KCNH5: variants seen among roughly 807,000 people sequenced by gnomAD.
The protein encoded by KCNH5 is voltage-gated delayed rectifier potassium channel KCNH5.
Under a neutral mutation model 96.1 loss-of-function variants are expected in KCNH5, and 46 were observed. That is an observed-to-expected ratio of 0.48 (90% CI 0.38 to 0.61). The LOEUF (loss-of-function observed/expected upper bound fraction) is 0.61. KCNH5 is among the 20% of genes least tolerant of loss of function. The probability of loss-of-function intolerance (pLI) is 0.00; values close to 1 mark genes in which losing one functional copy is unlikely to be tolerated. For missense variants in KCNH5, 907 were observed against 1,225.8 expected (o/e 0.74, Z 3.88); for synonymous variants, 439 against 449.8 (o/e 0.98, Z 0.30).
At chr14:62,969,537 G>C (rs1890363281) in intron 6 of KCNH5, among the ~76,000 whole-genome samples, 1 of 152,038 alleles carries the variant, frequency 6.6e-6, no homozygotes, top group African/African-American at 2.4e-5. Flanking sequence ...GCTGAATAAT[G>C]AGAGCATGTG....
intron 7 of KCNH5, among the ~76,000 whole-genome samples, chr14:62,944,766 T>A (rs1889854766): frequency 6.6e-6 from 1 of 152,142 alleles, no homozygotes; most frequent in African/African-American, 2.4e-5. Flanking sequence ...AAATATCCCA[T>A]GAAATTACCA....
chr14:62,739,725 T>A (rs1885232285), intron 10 of KCNH5, among the ~76,000 whole-genome samples: 1 of 152,140 alleles, frequency 6.6e-6, no homozygotes, highest in African/African-American at 2.4e-5. Flanking sequence ...AAACATTACA[T>A]GCGGGCAAAA....
At chr14:63,001,566 G>GCT in intron 3 of KCNH5, 107 bp from the exon 4 acceptor site, 3 of 1,008,284 alleles carry the variant, frequency 3.0e-6, no homozygotes, top group Non-Finnish European at 4.3e-6. Flanking sequence ...AGCTGTGCCA[G>GCT]GAATCAACAC....
intron 8 of KCNH5, among the ~76,000 whole-genome samples, chr14:62,818,940 A>C (rs1016668307): frequency 2.0e-5 from 3 of 152,192 alleles, no homozygotes; most frequent in Non-Finnish European, 2.9e-5. Context: ...AAATCCATAC[A>C]AAAGAATATT....
chr14:62,764,832 A>G (rs1595612240), intron 10 of KCNH5, among the ~76,000 whole-genome samples: 1 of 152,222 alleles, frequency 6.6e-6, no homozygotes, highest in East Asian at 1.9e-4. Context: ...AAAGACCTCA[A>G]CAGCAAGTAT....
chr14:63,018,244 A>G (rs1347258436), intron 1 of KCNH5, among the ~76,000 whole-genome samples: 1 of 151,812 alleles, frequency 6.6e-6, no homozygotes, highest in Non-Finnish European at 1.5e-5. Flanking sequence ...TGGGAAGTTC[A>G]TGGTGTGAAA....
At chr14:62,946,804 C>T (rs766246482) in intron 7 of KCNH5, among the ~76,000 whole-genome samples, 17 of 152,038 alleles carry the variant, frequency 1.1e-4, no homozygotes, top group Admixed American at 2.0e-4. Flanking sequence ...TTATGCTGAG[C>T]GGAGAAAGTC....
intron 6 of KCNH5, among the ~76,000 whole-genome samples, chr14:62,977,022 T>TA (rs141924820): frequency 0.064 from 9,661 of 152,098 alleles, 507 homozygotes; most frequent in African/African-American, 0.15. Context: ...AAAAGAAAAG[T>TA]AATTACAGCA....
At chr14:62,855,003 A>G (rs1887901649) in intron 7 of KCNH5, among the ~76,000 whole-genome samples, 1 of 151,414 alleles carries the variant, frequency 6.6e-6, no homozygotes, top group African/African-American at 2.4e-5. Context: ...TGTGACCATG[A>G]TTTTGTGCCA....
intron 10 of KCNH5, among the ~76,000 whole-genome samples, chr14:62,723,001 A>C (rs1228969345): frequency 6.6e-6 from 1 of 152,130 alleles, no homozygotes; most frequent in Admixed American, 6.5e-5. Context: ...ACACTACCCT[A>C]CTGATCTCAT....
intron 10 of KCNH5, among the ~76,000 whole-genome samples, chr14:62,714,967 T>C (rs1884652674): frequency 1.3e-5 from 2 of 152,174 alleles, no homozygotes; most frequent in South Asian, 2.1e-4. Context: ...CAATAACCTG[T>C]ACTGTTTCTA....
intron 7 of KCNH5, among the ~76,000 whole-genome samples, chr14:62,853,194 A>G (rs1217137741): frequency 2.0e-5 from 3 of 151,926 alleles, no homozygotes; most frequent in Non-Finnish European, 4.4e-5. Flanking sequence ...TATAGCTTCA[A>G]TTCAATCACT....
Position 63,003,624 on chromosome 14 carries a change from A to ATTT in KCNH5, c.305-2168_305-2166dup, listed in dbSNP as rs775227561. Among the ~76,000 whole-genome samples, 836 of 91,326 alleles carry ATTT rather than the reference A, an allele frequency of 9.2e-3. 9 individuals are homozygous for ATTT. The highest frequency in any genetic ancestry group is 0.014 in the Non-Finnish European group (698 of 48,862). The allele number at this position is 91,326 out of a possible 152,430, so 59.9% of individuals were successfully genotyped here. On this transcript the variant is annotated intron_variant, in intron 3 of 10. Coordinates refer to ENST00000322893, the MANE Select transcript of KCNH5 (RefSeq NM_139318.5). ...TATTTATATTTATATATATATATAT[A>ATTT]TTTTTTTTTTTTTGAGACGGAGTCT...
intron 10 of KCNH5, among the ~76,000 whole-genome samples, chr14:62,777,315 A>G (rs568012017): frequency 1.3e-5 from 2 of 152,312 alleles, no homozygotes; most frequent in African/African-American, 4.8e-5. Flanking sequence ...CCTGACTCCT[A>G]GGTTATTAGG....
intron 7 of KCNH5, among the ~76,000 whole-genome samples, chr14:62,930,811 G>A (rs1029221048): frequency 2.0e-5 from 3 of 152,060 alleles, no homozygotes; most frequent in Non-Finnish European, 4.4e-5. Flanking sequence ...TCCACTTCTA[G>A]TCCAATGAGT....
At chr14:62,925,295 T>C (rs1012714396) in intron 7 of KCNH5, among the ~76,000 whole-genome samples, 1 of 152,004 alleles carries the variant, frequency 6.6e-6, no homozygotes, top group Non-Finnish European at 1.5e-5. Context: ...CACACATTCA[T>C]TTTAAAATGA....
At chr14:62,992,250 T>C (rs1211008716) in intron 4 of KCNH5, among the ~76,000 whole-genome samples, 1 of 152,080 alleles carries the variant, frequency 6.6e-6, no homozygotes, top group Non-Finnish European at 1.5e-5. Context: ...TTAGATTGAT[T>C]CTATCTTTGC....
rs80292797 is a variant in KCNH5, at chr14:62,885,016, C to T, written c.1370-35164G>A. Among the ~76,000 whole-genome samples the T allele has an allele frequency of 2.7e-3, 404 of 152,114 alleles. 3 individuals carry two copies. The highest frequency in any genetic ancestry group is 9.5e-3 in the African/African-American group (395 of 41,498). On this transcript the variant is annotated intron_variant, in intron 7 of 10. Transcript: ENST00000322893. Reference sequence around the variant, plus strand: ...CAAAAAACAACAACGATCTCAAATCCCAGTACTCTATAAAAGAAGTATTTC... The same window carrying T: ...CAAAAAACAACAACGATCTCAAATCTCAGTACTCTATAAAAGAAGTATTTC...
intron 10 of KCNH5, among the ~76,000 whole-genome samples, chr14:62,772,869 T>C (rs893797774): frequency 1.3e-5 from 2 of 152,142 alleles, no homozygotes; most frequent in African/African-American, 4.8e-5. Flanking sequence ...AGGTGACAGA[T>C]ATGCTGTGGC....
Sources: gnomAD v4.1 joint callset for allele counts (sites outside exome capture counted in the v4.1 genomes callset) on GRCh38, gnomAD v4.1.1 for gene constraint, MANE v1.5 for transcripts, NCBI Gene and HGNC (gene_info 2026-07-23, HGNC 2026-07-21) for gene names.